Variants in SRGAP3 observed in about 807,000 individuals in gnomAD.
SRGAP3 encodes the protein SLIT-ROBO Rho GTPase activating protein 3, also known as SLIT-ROBO Rho GTPase-activating protein 3.
A neutral mutation model predicts 121.1 loss-of-function variants in SRGAP3; 39 were observed. The ratio of observed to expected loss-of-function variants is 0.32; its 90% CI spans 0.25 to 0.42. SRGAP3 has a LOEUF of 0.42. SRGAP3 is among the 10% of genes least tolerant of loss of function. SRGAP3 has a pLI of 1.00. For missense variants in SRGAP3, 1,213 were observed against 1,470.6 expected, an observed-to-expected ratio of 0.82 and a Z score of 2.86; for synonymous variants, 601 against 570.0, an observed-to-expected ratio of 1.05 and a Z score of -0.77.
At chr3:9,212,308 T>G (rs940702831) in intron 1 of SRGAP3, among the ~76,000 whole-genome samples, 5 of 152,190 alleles carry the variant, frequency 3.3e-5, no homozygotes, top group Non-Finnish European at 7.3e-5. Context: ...TGATGGTCAT[T>G]GTTTCCCAAC....
rs1293669290 is a variant in SRGAP3, at chr3:9,060,290, C to T, written c.742G>A (p.Ala248Thr). Residue 248 changes from alanine (A) to threonine (T), a missense_variant, in exon 6 of 22, where the codon GCA (alanine) becomes ACA (threonine). Transcript: ENST00000383836. ...TTGCTTATAGCTGCGTTGGTGGCTG[C>T]CAGATTGAGCAAGTAGTCATTCCGG... The part of the protein sequence containing the change: ...KARNDYLLNL[A>T]ATNAAISKYY... 6.2e-7 allele frequency: 1 copy of T among 1,614,156 alleles called. No individual in the cohort carries two copies. The highest frequency in any genetic ancestry group is 2.2e-5 in the East Asian group (1 of 44,890).
chr3:9,313,667 A>G (rs1443984116), intron 3 of SRGAP3, among the ~76,000 whole-genome samples: 1 of 149,104 alleles, frequency 6.7e-6, no homozygotes, highest in Non-Finnish European at 1.5e-5. Flanking sequence ...ACAGAGCAAG[A>G]CTCTATGTCT....
intron 1 of SRGAP3, among the ~76,000 whole-genome samples, chr3:9,146,875 CGT>C (rs1178433942): frequency 1.3e-5 from 2 of 152,210 alleles, no homozygotes; most frequent in Non-Finnish European, 2.9e-5. Flanking sequence ...TTCATGTACA[CGT>C]GAGATGCCTC....
intron 4 of SRGAP3, among the ~76,000 whole-genome samples, chr3:9,078,461 C>G (rs1051253157): frequency 1.3e-5 from 2 of 152,100 alleles, no homozygotes; most frequent in Non-Finnish European, 2.9e-5. Context: ...ACCCTTCCCC[C>G]CACCGTGAGT....
At chr3:9,341,850 G>A (rs1001271292) in intron 1 of SRGAP3, among the ~76,000 whole-genome samples, 1 of 152,142 alleles carries the variant, frequency 6.6e-6, no homozygotes, top group African/African-American at 2.4e-5. Flanking sequence ...ATGGATTGAA[G>A]TATGGCTGTA....
At chr3:9,278,748 G>T (rs1256824204) in intron 3 of SRGAP3, among the ~76,000 whole-genome samples, 1 of 152,166 alleles carries the variant, frequency 6.6e-6, no homozygotes, top group Non-Finnish European at 1.5e-5. Flanking sequence ...CTCGTGAATG[G>T]GGATGTACCA....
chr3:9,202,393 A>C (rs1952095916), intron 1 of SRGAP3, among the ~76,000 whole-genome samples: 1 of 152,150 alleles, frequency 6.6e-6, no homozygotes, highest in Non-Finnish European at 1.5e-5. Context: ...CTATCCAGAC[A>C]CCAAGCTTTC....
chr3:9,321,761 TGAG>T lies in SRGAP3; in HGVS notation n.442+4246_442+4248del, dbSNP rs561162709. On this transcript the variant is annotated intron_variant and non_coding_transcript_variant, in intron 3 of 3. Transcript: ENST00000490889. ...CAATACCTTATAAGTGGGAGCTAAA[TGAG>T]GAGAACACATGGACACATAGAGGGG... Among the ~76,000 whole-genome samples the T allele has an allele frequency of 6.3e-4, 95 of 151,620 alleles. 1 individual carries two copies. In the East Asian group the frequency reaches 0.017, roughly 27 times the overall value.
intron 3 of SRGAP3, among the ~76,000 whole-genome samples, chr3:9,273,763 T>C (rs1235143391): frequency 6.6e-6 from 1 of 151,980 alleles, no homozygotes; most frequent in Admixed American, 6.5e-5. Context: ...AATTTTTGTA[T>C]ATAGTGTAAG....
intron 3 of SRGAP3, among the ~76,000 whole-genome samples, chr3:9,261,493 G>A (rs184212152): frequency 4.6e-4 from 70 of 152,018 alleles, no homozygotes; most frequent in African/African-American, 1.6e-3. Flanking sequence ...AACCAGTTTA[G>A]AAAAGAACAT....
intron 1 of SRGAP3, among the ~76,000 whole-genome samples, chr3:9,201,178 C>T (rs1056106542): frequency 6.6e-6 from 1 of 152,272 alleles, no homozygotes. Context: ...ACATGAAGGA[C>T]GGTGACGGAA....
chr3:9,096,724 T>A (rs1016947740), intron 3 of SRGAP3, among the ~76,000 whole-genome samples: 1 of 151,612 alleles, frequency 6.6e-6, no homozygotes, highest in African/African-American at 2.4e-5. Context: ...CATTTAGAAC[T>A]AATCAGTGAG....
intron 2 of SRGAP3, among the ~76,000 whole-genome samples, chr3:9,121,387 G>C (rs560836981): frequency 6.6e-6 from 1 of 152,320 alleles, no homozygotes; most frequent in African/African-American, 2.4e-5. Context: ...AGCAACACAG[G>C]TCCTGTGTGC....
intron 3 of SRGAP3, among the ~76,000 whole-genome samples, chr3:9,318,273 C>T (rs566183563): frequency 6.6e-6 from 1 of 150,530 alleles, no homozygotes; most frequent in African/African-American, 2.4e-5. Flanking sequence ...ACCTCCAGCC[C>T]AGCACCCTTT....
intron 3 of SRGAP3, chr3:9,325,869 A>T (rs895086811): frequency 7.9e-5 from 12 of 151,976 alleles, no homozygotes; most frequent in Non-Finnish European, 1.5e-4. Flanking sequence ...TCTATTGTTC[A>T]TAGAGGCATA....
intron 19 of SRGAP3, 90 bp downstream of exon 19, chr3:8,994,253 G>T: frequency 6.6e-7 from 1 of 1,525,326 alleles, no homozygotes; most frequent in South Asian, 1.1e-5. Context: ...GCAAATTGCT[G>T]GCATACAAGC....
At chr3:9,149,352 G>A (rs547612311) in intron 1 of SRGAP3, among the ~76,000 whole-genome samples, 1 of 152,230 alleles carries the variant, frequency 6.6e-6, no homozygotes, top group South Asian at 2.1e-4. Context: ...CTAATCCTAA[G>A]CTATGACCCA....
At chr3:9,163,350 C>T (rs1305181408) in intron 1 of SRGAP3, among the ~76,000 whole-genome samples, 1 of 152,204 alleles carries the variant, frequency 6.6e-6, no homozygotes, top group Non-Finnish European at 1.5e-5. Context: ...GCGAAGGAAG[C>T]AGAAAAGAAG....
Position 9,205,203 on chromosome 3 carries a change from A to T in SRGAP3, c.67+43682T>A, listed in dbSNP as rs1419024740. On this transcript the variant is annotated intron_variant, in intron 1 of 21. Coordinates refer to ENST00000383836, the MANE Select transcript of SRGAP3 (RefSeq NM_014850.4). ...TTTAAATTTCCTAGTAGCCACACTA[A>T]AAAATTAAAAAGGGGTAAAATTAAT... 5.9e-5 allele frequency among the ~76,000 whole-genome samples: 9 copies of T among 152,388 alleles called. No individual in the cohort carries two copies. The East Asian group carries it at 1.7e-3, about 29-fold the overall frequency.
Sources: allele counts gnomAD v4.1 joint callset (sites outside exome capture counted in the v4.1 genomes callset), GRCh38; gene constraint gnomAD v4.1.1; transcripts MANE v1.5; gene names NCBI Gene and HGNC (gene_info 2026-07-23, HGNC 2026-07-21).